Variants in ROR2 observed in about 807,000 individuals in gnomAD.
The protein encoded by ROR2 is tyrosine-protein kinase transmembrane receptor ROR2.
Under a neutral mutation model 74.9 loss-of-function variants are expected in ROR2, and 33 were observed. That is an observed-to-expected ratio of 0.44 (90% CI 0.33 to 0.59). The LOEUF is 0.59. Among genes scored for constraint, ROR2 ranks in the 20% least tolerant of loss-of-function variants. The probability of loss-of-function intolerance (pLI) is 0.02; values close to 1 mark genes in which losing one functional copy is unlikely to be tolerated. For synonymous variants in ROR2, 586 were observed against 558.7 expected, an observed-to-expected ratio of 1.05 and a Z score of -0.69; for missense variants, 1,216 against 1,313.8, an observed-to-expected ratio of 0.93 and a Z score of 1.15.
At position 91,792,530 on chromosome 9, in the gene ROR2, G is replaced by C. The variant is rs559910243; in HGVS notation, c.98-16712C>G. On this transcript the variant is annotated intron_variant, in intron 1 of 8. Coordinates refer to ENST00000375708, the MANE Select transcript of ROR2 (RefSeq NM_004560.4). Reference sequence around the variant, plus strand: ...TCACCGTGTTAGCCAAGATGGTCTCGATCTCCTGACCTTGTGATCCGCCCA... The same window carrying C: ...TCACCGTGTTAGCCAAGATGGTCTCCATCTCCTGACCTTGTGATCCGCCCA... Among the ~76,000 whole-genome samples, 70 of 152,186 alleles carry C rather than the reference G, an allele frequency of 4.6e-4. 1 individual carries two copies. The East Asian group carries it at 9.3e-3, about 20-fold the overall frequency.
chr9:91,901,471 T>C (rs1345105123), intron 1 of ROR2, among the ~76,000 whole-genome samples: 2 of 152,184 alleles, frequency 1.3e-5, no homozygotes, highest in South Asian at 2.1e-4. Flanking sequence ...GCTCACGTCA[T>C]TTCAAATGTG....
intron 1 of ROR2, among the ~76,000 whole-genome samples, chr9:91,847,821 C>G (rs1024086716): frequency 2.0e-5 from 3 of 152,048 alleles, no homozygotes; most frequent in Non-Finnish European, 4.4e-5. Context: ...AAGTTCCGCT[C>G]GACCAAGCTC....
intron 1 of ROR2, among the ~76,000 whole-genome samples, chr9:91,902,518 G>A (rs535076339): frequency 1.3e-5 from 2 of 152,110 alleles, no homozygotes; most frequent in Admixed American, 6.5e-5. Context: ...GCTGTGAGCC[G>A]CCTGAGACCT....
rs1400163385 is a variant in ROR2 at position 91,764,506 on chromosome 9, T to G, written c.176-6947A>C. On this transcript the variant is annotated intron_variant, in intron 2 of 8. Transcript: ENST00000375708. Reference sequence around the variant, plus strand: ...CTACTTTTTATAGGCTTACCTAATTTAGCAAAGTCCCCCAATTACAAAAGA... The same window carrying G: ...CTACTTTTTATAGGCTTACCTAATTGAGCAAAGTCCCCCAATTACAAAAGA... Among the ~76,000 whole-genome samples the G allele has an allele frequency of 2.0e-4, 30 of 151,954 alleles. No individual in the cohort carries two copies. In the Admixed American group the frequency reaches 2.0e-3, roughly 10 times the overall value.
chr9:91,818,881 C>T (rs978723793), intron 1 of ROR2, among the ~76,000 whole-genome samples: 1 of 152,174 alleles, frequency 6.6e-6, no homozygotes, highest in African/African-American at 2.4e-5. Flanking sequence ...TACCCATGAG[C>T]AGCTTGGGGG....
chr9:91,815,988 T>C lies in ROR2; in HGVS notation c.98-40170A>G, dbSNP rs148479511. Among the ~76,000 whole-genome samples the C allele has an allele frequency of 3.6e-4, 55 of 152,208 alleles. 1 individual carries two copies. In the East Asian group the frequency reaches 9.9e-3, roughly 27 times the overall value. Reference sequence around the variant, plus strand: ...CGGTCACCCCCAAAGCCTGTGCATCTCCTCTCTCAGAAAACCCTTCTCCAT... The same window carrying C: ...CGGTCACCCCCAAAGCCTGTGCATCCCCTCTCTCAGAAAACCCTTCTCCAT... On this transcript the variant is annotated intron_variant, in intron 1 of 8. Transcript: ENST00000375708.
intron 2 of ROR2, among the ~76,000 whole-genome samples, chr9:91,763,609 T>C (rs190614230): frequency 9.1e-4 from 139 of 152,354 alleles, no homozygotes; most frequent in African/African-American, 3.2e-3. Context: ...GCTCCCCTTG[T>C]GTAACTGCCT....
intron 1 of ROR2, among the ~76,000 whole-genome samples, chr9:91,777,359 C>T (rs1460950425): frequency 6.6e-6 from 1 of 151,126 alleles, no homozygotes; most frequent in African/African-American, 2.4e-5. Context: ...CCAAAATAAA[C>T]AAAACATGGA....
intron 1 of ROR2, among the ~76,000 whole-genome samples, chr9:91,779,809 T>C (rs1234730760): frequency 2.6e-5 from 4 of 152,256 alleles, no homozygotes; most frequent in African/African-American, 9.6e-5. Flanking sequence ...TTATACAGCA[T>C]GCTGGCAAAT....
chr9:91,743,586 A>G (rs1825315394), intron 4 of ROR2, among the ~76,000 whole-genome samples: 1 of 152,148 alleles, frequency 6.6e-6, no homozygotes, highest in Admixed American at 6.6e-5. Flanking sequence ...AAAAGAAAAA[A>G]GAAAAGAAAA....
intron 1 of ROR2, among the ~76,000 whole-genome samples, chr9:91,796,380 C>A (rs776650745): frequency 6.7e-6 from 1 of 148,358 alleles, no homozygotes; most frequent in Non-Finnish European, 1.5e-5. Flanking sequence ...CTGCAGTGAG[C>A]CGAGATGGCA....
In ROR2 at chr9:91,733,155, G is replaced by T. The variant is rs767372181; in HGVS notation, c.904C>A (p.Arg302Ser). The change falls in exon 6 of 9, where the codon CGC becomes AGC. Residue 302 changes from arginine to serine, a missense_variant. Physicochemically the swap from Arg to Ser is moderately radical, Grantham distance 110 (BLOSUM62 -1). Transcript: ENST00000375708. This position sits in a 1 kb window ranked among gnomAD's most constrained non-coding sequence, Gnocchi z 5.7. ...PESPDAANCM[R>S]IGIPAERLGR... ...AGCCTCTCGGCTGGGATGCCAATGC[G>T]CATGCAGTTGGCAGCGTCGGGGCTC... 1.9e-6 allele frequency: 3 copies of T among 1,603,460 alleles called. No individual in the cohort carries two copies. Among genetic ancestry groups the T allele is most frequent in the African/African-American group, 1.3e-5 (1 of 74,936 alleles).
At chr9:91,790,872 A>T (rs968457959) in intron 1 of ROR2, among the ~76,000 whole-genome samples, 1 of 152,256 alleles carries the variant, frequency 6.6e-6, no homozygotes, top group Non-Finnish European at 1.5e-5. Flanking sequence ...AAAACTGAAA[A>T]TAAGAAAGCT....
At chr9:91,854,709 T>C (rs923831053) in intron 1 of ROR2, among the ~76,000 whole-genome samples, 1 of 152,006 alleles carries the variant, frequency 6.6e-6, no homozygotes, top group African/African-American at 2.4e-5. Flanking sequence ...TGGAAGGCGG[T>C]TGGTAAGCTG....
intron 1 of ROR2, among the ~76,000 whole-genome samples, chr9:91,906,991 C>T (rs1253535195): frequency 6.6e-6 from 1 of 152,184 alleles, no homozygotes; most frequent in African/African-American, 2.4e-5. Flanking sequence ...TCACCACTCT[C>T]CACCCCCAGC....
chr9:91,770,766 G>T (rs1381478910), intron 2 of ROR2, among the ~76,000 whole-genome samples: 1 of 152,178 alleles, frequency 6.6e-6, no homozygotes, highest in Admixed American at 6.6e-5. Context: ...TTGCAGGGAT[G>T]ATCCCATTTT....
chr9:91,948,400 C>T (rs935458954), intron 1 of ROR2, among the ~76,000 whole-genome samples: 3 of 152,218 alleles, frequency 2.0e-5, no homozygotes, highest in Non-Finnish European at 4.4e-5. Context: ...CAGAAATCGA[C>T]AGAGGTCTTG....
chr9:91,880,311 G>A (rs1830073294), intron 1 of ROR2, among the ~76,000 whole-genome samples: 1 of 152,192 alleles, frequency 6.6e-6, no homozygotes, highest in Non-Finnish European at 1.5e-5. Flanking sequence ...GAACTAGGAT[G>A]AAATAAATTT....
chr9:91,948,247 CAG>C (rs1441373438), intron 1 of ROR2, among the ~76,000 whole-genome samples: 8 of 152,210 alleles, frequency 5.3e-5, no homozygotes, highest in Non-Finnish European at 8.8e-5. Flanking sequence ...GTCTGCAAGG[CAG>C]AGTTTTTGTA....
Sources: allele counts gnomAD v4.1 joint callset (sites outside exome capture counted in the v4.1 genomes callset), GRCh38; gene constraint gnomAD v4.1.1; non-coding constraint Gnocchi (gnomAD v3.1); transcripts MANE v1.5; gene names NCBI Gene and HGNC (gene_info 2026-07-23, HGNC 2026-07-21).